Variants in NSMCE2 observed in about 807,000 individuals in gnomAD.
NSMCE2 encodes the protein E3 SUMO-protein ligase NSE2.
Under a neutral mutation model 23.8 loss-of-function variants are expected in NSMCE2, and 24 were observed. The ratio of observed to expected loss-of-function variants is 1.01; its 90% CI spans 0.73 to 1.42. NSMCE2 has a LOEUF of 1.42. Among genes scored for constraint, NSMCE2 ranks in the 40% most tolerant of loss-of-function variants. NSMCE2 has a pLI of 0.00. For synonymous variants in NSMCE2, 92 were observed against 94.1 expected (o/e 0.98, Z 0.13); for missense variants, 284 against 296.5 (o/e 0.96, Z 0.31).
chr8:125,229,417 C>G (rs1053560861), intron 5 of NSMCE2, among the ~76,000 whole-genome samples: 1 of 152,014 alleles, frequency 6.6e-6, no homozygotes, highest in Admixed American at 6.6e-5. Flanking sequence ...ACCTCCTTTC[C>G]AGTGGATTTT....
chr8:125,154,961 A>G (rs1821236189), intron 4 of NSMCE2, among the ~76,000 whole-genome samples: 1 of 152,224 alleles, frequency 6.6e-6, no homozygotes, highest in African/African-American at 2.4e-5. Context: ...TCATAAATAA[A>G]TGAATAAATT....
chr8:125,256,214 C>T (rs1040868495), intron 5 of NSMCE2, among the ~76,000 whole-genome samples: 5 of 147,410 alleles, frequency 3.4e-5, no homozygotes, highest in Non-Finnish European at 7.4e-5. Flanking sequence ...ACCTGGGAGG[C>T]GGAGGTTGCA....
intron 3 of NSMCE2, among the ~76,000 whole-genome samples, chr8:125,111,426 T>A (rs1458316113): frequency 6.6e-6 from 1 of 152,140 alleles, no homozygotes; most frequent in African/African-American, 2.4e-5. Context: ...CCCAGAAAAT[T>A]GTGATCATCC....
chr8:125,147,306 G>T (rs922631202), intron 3 of NSMCE2, among the ~76,000 whole-genome samples: 11 of 152,308 alleles, frequency 7.2e-5, no homozygotes, highest in Admixed American at 6.5e-4. Context: ...TTATATTTTA[G>T]TGAAAGTTTA....
At chr8:125,170,275 A>G (rs1432642280) in intron 4 of NSMCE2, among the ~76,000 whole-genome samples, 2 of 146,592 alleles carry the variant, frequency 1.4e-5, no homozygotes, top group Admixed American at 6.9e-5. Context: ...TGGCAGTATT[A>G]CTATTCCATT....
Position 125,233,608 on chromosome 8 carries a change from A to T in NSMCE2, c.418+51352A>T, listed in dbSNP as rs78373908. Among the ~76,000 whole-genome samples the T allele has an allele frequency of 6.7e-3, 1,028 of 152,322 alleles. 13 individuals are homozygous for T. Among genetic ancestry groups the T allele is most frequent in the African/African-American group, 0.023 (957 of 41,576 alleles). ...TGAATTTTTTTCCGAAATGAAATGA[A>T]TGTAAATGCACTTTTGTTTTAAAAT... On this transcript the variant is annotated intron_variant, in intron 5 of 7. Transcript: ENST00000287437.
At chr8:125,281,949 C>G (rs561050488) in intron 5 of NSMCE2, among the ~76,000 whole-genome samples, 2 of 151,980 alleles carry the variant, frequency 1.3e-5, no homozygotes, top group Admixed American at 6.6e-5. Context: ...CTGTCTAGCT[C>G]GTAGCTTGCA....
chr8:125,227,278 C>T lies in NSMCE2; in HGVS notation c.418+45022C>T, dbSNP rs142845829. ...TTTTATGAATGGTAGCTCGGTGTCT[C>T]CATCAGTGGTAGCTGATGGTAGCTT... On this transcript the variant is annotated intron_variant, in intron 5 of 7. Coordinates refer to ENST00000287437, the MANE Select transcript of NSMCE2 (RefSeq NM_173685.4). 2.6e-5 allele frequency among the ~76,000 whole-genome samples: 4 copies of T among 152,186 alleles called. No individual in the cohort carries two copies. The East Asian group carries it at 7.7e-4, about 29-fold the overall frequency.
intron 5 of NSMCE2, among the ~76,000 whole-genome samples, chr8:125,249,125 C>T (rs1404440259): frequency 6.6e-6 from 1 of 150,776 alleles, no homozygotes; most frequent in South Asian, 2.1e-4. Context: ...GAGCCAAGAT[C>T]ATGCCACTGT....
chr8:125,162,069 C>T (rs1186198593), intron 4 of NSMCE2, among the ~76,000 whole-genome samples: 1 of 152,100 alleles, frequency 6.6e-6, no homozygotes, highest in Non-Finnish European at 1.5e-5. Flanking sequence ...CAGAAGCCCA[C>T]ATGAAATACT....
intron 5 of NSMCE2, among the ~76,000 whole-genome samples, chr8:125,340,456 T>C (rs1830209574): frequency 6.6e-6 from 1 of 152,236 alleles, no homozygotes; most frequent in Non-Finnish European, 1.5e-5. Context: ...AAGTCCTATT[T>C]TTAGTATTCC....
At chr8:125,224,962 A>G (rs1179473202) in intron 5 of NSMCE2, among the ~76,000 whole-genome samples, 1 of 152,248 alleles carries the variant, frequency 6.6e-6, no homozygotes, top group Non-Finnish European at 1.5e-5. Context: ...CAGTACAGCA[A>G]TGATAATGTG....
chr8:125,257,577 A>G (rs567411623), intron 5 of NSMCE2, among the ~76,000 whole-genome samples: 8 of 122,138 alleles, frequency 6.5e-5, no homozygotes, highest in Middle Eastern at 6.8e-3. Context: ...TCTGTCGCCC[A>G]GGCTGGAGTG....
At chr8:125,176,421 C>T (rs1344119362) in intron 4 of NSMCE2, among the ~76,000 whole-genome samples, 1 of 152,078 alleles carries the variant, frequency 6.6e-6, no homozygotes, top group East Asian at 1.9e-4. Flanking sequence ...TTCTAGCCGC[C>T]CTTAAAATGT....
intron 1 of NSMCE2, among the ~76,000 whole-genome samples, chr8:125,096,770 C>G (rs1298294767): frequency 2.0e-5 from 3 of 151,122 alleles, no homozygotes; most frequent in Non-Finnish European, 4.4e-5. Context: ...ACCACCATGC[C>G]CAGCTAATTT....
intron 5 of NSMCE2, among the ~76,000 whole-genome samples, chr8:125,336,180 A>G (rs532524591): frequency 2.4e-4 from 37 of 152,212 alleles, no homozygotes; most frequent in Non-Finnish European, 4.4e-4. Context: ...CACCTCTAGT[A>G]TCATGGAATC....
intron 5 of NSMCE2, among the ~76,000 whole-genome samples, chr8:125,288,957 C>G (rs1182793376): frequency 6.6e-6 from 1 of 152,004 alleles, no homozygotes; most frequent in Non-Finnish European, 1.5e-5. Context: ...ACCACCATGC[C>G]CAGCTAATTT....
chr8:125,313,614 C>G (rs757616068), intron 5 of NSMCE2, among the ~76,000 whole-genome samples: 21 of 152,226 alleles, frequency 1.4e-4, no homozygotes, highest in Admixed American at 1.3e-4. Flanking sequence ...GAGACTGAAG[C>G]AAAGGAAAAG....
chr8:125,364,357 T>C (rs1813695167), intron 7 of NSMCE2, among the ~76,000 whole-genome samples: 1 of 152,242 alleles, frequency 6.6e-6, no homozygotes, highest in Admixed American at 6.5e-5. Context: ...AGAAATACTT[T>C]CTTTCATGTT....
Sources: gnomAD v4.1 joint callset for allele counts (sites outside exome capture counted in the v4.1 genomes callset) on GRCh38, gnomAD v4.1.1 for gene constraint, MANE v1.5 for transcripts, NCBI Gene and HGNC (gene_info 2026-07-23, HGNC 2026-07-21) for gene names.